GABRG3: variants seen among roughly 807,000 people sequenced by gnomAD.
GABRG3 encodes the protein gamma-aminobutyric acid type A receptor subunit gamma3.
Under a neutral mutation model 48.8 loss-of-function variants are expected in GABRG3, and 25 were observed. The observed-to-expected ratio is 0.51, with a 90% CI of 0.37 to 0.72. GABRG3 has a LOEUF of 0.72. GABRG3 is among the 30% of genes least tolerant of loss of function. The pLI is 0.00. For synonymous variants in GABRG3, 227 were observed against 217.6 expected (o/e 1.04, Z -0.38); for missense variants, 394 against 577.9 (o/e 0.68, Z 3.26).
intron 3 of GABRG3, among the ~76,000 whole-genome samples, chr15:27,308,124 A>G (rs536045402): frequency 8.2e-6 from 1 of 121,544 alleles, no homozygotes; most frequent in Non-Finnish European, 1.7e-5. Context: ...ATCCAAACAT[A>G]TATAAACATA....
intron 5 of GABRG3, among the ~76,000 whole-genome samples, chr15:27,434,843 G>C (rs929114466): frequency 6.6e-6 from 1 of 152,140 alleles, no homozygotes; most frequent in African/African-American, 2.4e-5. Context: ...CCTGCATCCT[G>C]CCTTAATAAT....
Position 27,396,834 on chromosome 15 carries a change from C to T in GABRG3, c.574+67946C>T, listed in dbSNP as rs191051915. Among the ~76,000 whole-genome samples the T allele has an allele frequency of 2.1e-3, 322 of 152,114 alleles. 3 individuals carry two copies. Among genetic ancestry groups the T allele is most frequent in the African/African-American group, 7.5e-3 (313 of 41,490 alleles). On this transcript the variant is annotated intron_variant, in intron 5 of 9. Coordinates refer to ENST00000615808, the MANE Select transcript of GABRG3 (RefSeq NM_033223.5). Reference sequence around the variant, plus strand: ...ATTCATGTAACAAAAATAGATGAATCTAAAAATGAAGGAAGACCAAAAACT... The same window carrying T: ...ATTCATGTAACAAAAATAGATGAATTTAAAAATGAAGGAAGACCAAAAACT...
chr15:27,313,617 T>C (rs1040316002), intron 3 of GABRG3, among the ~76,000 whole-genome samples: 3 of 151,670 alleles, frequency 2.0e-5, no homozygotes, highest in Non-Finnish European at 2.9e-5. Flanking sequence ...TTAAGAAGAA[T>C]GAAATCACAC....
intron 6 of GABRG3, among the ~76,000 whole-genome samples, chr15:27,506,826 A>G (rs1196316968): frequency 1.3e-5 from 2 of 151,926 alleles, no homozygotes; most frequent in South Asian, 2.1e-4. Context: ...AACTTCTTTT[A>G]TAATCTTAAT....
At chr15:27,184,476 A>G (rs1888031523) in intron 3 of GABRG3, among the ~76,000 whole-genome samples, 4 of 152,186 alleles carry the variant, frequency 2.6e-5, no homozygotes, top group African/African-American at 9.7e-5. Flanking sequence ...GCATATTCTC[A>G]TCTTCTACAC....
intron 5 of GABRG3, among the ~76,000 whole-genome samples, chr15:27,434,794 A>G (rs1203410769): frequency 6.6e-6 from 1 of 152,118 alleles, no homozygotes; most frequent in East Asian, 1.9e-4. Context: ...TTTGGTTTGG[A>G]GGGTCTTCTT....
chr15:27,384,146 G>A (rs1487770386), intron 5 of GABRG3, among the ~76,000 whole-genome samples: 6 of 152,148 alleles, frequency 3.9e-5, no homozygotes, highest in Admixed American at 1.3e-4. Context: ...CTGTGTACGC[G>A]CCTAGTAGTG....
chr15:27,249,309 C>G (rs1238028947), intron 3 of GABRG3, among the ~76,000 whole-genome samples: 3 of 152,176 alleles, frequency 2.0e-5, no homozygotes, highest in African/African-American at 7.2e-5. Flanking sequence ...GGCACATCCC[C>G]TGTTCCTCAC....
At chr15:27,103,672 C>T (rs6606873) in intron 3 of GABRG3, among the ~76,000 whole-genome samples, 76,869 of 151,938 alleles carry the variant, frequency 0.51, 20,062 homozygotes, top group African/African-American at 0.64. Context: ...TACAATACAA[C>T]GGCCTATTAA....
At chr15:27,384,159 T>C (rs149493982) in intron 5 of GABRG3, among the ~76,000 whole-genome samples, 57 of 152,354 alleles carry the variant, frequency 3.7e-4, no homozygotes, top group Middle Eastern at 3.4e-3. Context: ...TAGTAGTGAC[T>C]ATATGTCTAA....
intron 3 of GABRG3, among the ~76,000 whole-genome samples, chr15:27,120,814 C>T (rs1374344089): frequency 6.6e-6 from 1 of 152,050 alleles, no homozygotes; most frequent in African/African-American, 2.4e-5. Flanking sequence ...TAGATATTCA[C>T]CTGGGTCAAA....
At chr15:27,058,086 G>A (rs1477741994) in intron 3 of GABRG3, among the ~76,000 whole-genome samples, 4 of 152,190 alleles carry the variant, frequency 2.6e-5, no homozygotes, top group African/African-American at 4.8e-5. Context: ...GCTGCATTTC[G>A]TGCTCATCTG....
At chr15:27,045,433 A>G (rs1896346434) in intron 3 of GABRG3, among the ~76,000 whole-genome samples, 1 of 152,202 alleles carries the variant, frequency 6.6e-6, no homozygotes, top group Non-Finnish European at 1.5e-5. Context: ...TTTGCACACA[A>G]CCGAATAGTG....
intron 3 of GABRG3, among the ~76,000 whole-genome samples, chr15:27,155,739 T>C (rs2140399439): frequency 6.6e-6 from 1 of 152,272 alleles, no homozygotes. Flanking sequence ...CTGCAGATAG[T>C]GTGCTGGCTG....
At chr15:27,084,822 C>G (rs1327050224) in intron 3 of GABRG3, among the ~76,000 whole-genome samples, 2 of 152,192 alleles carry the variant, frequency 1.3e-5, no homozygotes, top group Non-Finnish European at 2.9e-5. Context: ...GGGGGTGCCA[C>G]TCTCTCTGAA....
intron 3 of GABRG3, among the ~76,000 whole-genome samples, chr15:27,071,821 G>C (rs8026090): frequency 0.21 from 31,433 of 152,206 alleles, 3,409 homozygotes; most frequent in Middle Eastern, 0.27. Context: ...TAAGCTTGAA[G>C]ATTGTATTCA....
At chr15:27,064,565 T>C (rs1477151576) in intron 3 of GABRG3, among the ~76,000 whole-genome samples, 2 of 152,150 alleles carry the variant, frequency 1.3e-5, no homozygotes, top group African/African-American at 4.8e-5. Context: ...TTGTTTGCTG[T>C]CCTCTAGCCC....
chr15:27,484,773 A>G (rs1890180684), intron 6 of GABRG3, among the ~76,000 whole-genome samples: 1 of 152,132 alleles, frequency 6.6e-6, no homozygotes. Context: ...ATGGGGCTAT[A>G]TCAACAGACG....
intron 3 of GABRG3, among the ~76,000 whole-genome samples, chr15:27,199,567 G>A (rs1041111785): frequency 2.0e-5 from 3 of 151,848 alleles, no homozygotes; most frequent in African/African-American, 7.3e-5. Context: ...GTGGTAATGG[G>A]TGAATTCTTG....
Sources: allele counts gnomAD v4.1 joint callset (sites outside exome capture counted in the v4.1 genomes callset), GRCh38; gene constraint gnomAD v4.1.1; transcripts MANE v1.5; gene names NCBI Gene and HGNC (gene_info 2026-07-23, HGNC 2026-07-21).